PTPRN2: variants seen among roughly 807,000 people sequenced by gnomAD.
The protein encoded by PTPRN2 is protein tyrosine phosphatase receptor type N2.
Under a neutral mutation model 118.8 loss-of-function variants are expected in PTPRN2, and 74 were observed. The ratio of observed to expected loss-of-function variants is 0.62; its 90% CI spans 0.52 to 0.76. The LOEUF is 0.76. PTPRN2 is among the 30% of genes least tolerant of loss of function. PTPRN2 has a pLI of 0.00. For synonymous variants in PTPRN2, 641 were observed against 608.0 expected, an observed-to-expected ratio of 1.05 and a Z score of -0.80; for missense variants, 1,481 against 1,394.4, an observed-to-expected ratio of 1.06 and a Z score of -0.99.
intron 10 of PTPRN2, among the ~76,000 whole-genome samples, chr7:158,085,327 C>CAG (rs1813245631): frequency 3.3e-5 from 4 of 122,898 alleles, no homozygotes; most frequent in African/African-American, 7.0e-5. Flanking sequence ...CCCATTCACA[C>CAG]ATGCCCATCC....
intron 11 of PTPRN2, among the ~76,000 whole-genome samples, chr7:157,988,707 G>A (rs1804010405): frequency 6.6e-6 from 1 of 152,166 alleles, no homozygotes; most frequent in African/African-American, 2.4e-5. Context: ...CCGGTCCACA[G>A]GTCATGCACG....
chr7:158,285,387 A>G (rs1255007711), intron 3 of PTPRN2, among the ~76,000 whole-genome samples: 1 of 152,172 alleles, frequency 6.6e-6, no homozygotes, highest in East Asian at 1.9e-4. Flanking sequence ...AGCAAATGAC[A>G]ATAGCCACTC....
Position 158,570,142 on chromosome 7 carries a change from G to A in PTPRN2, c.112+17416C>T, listed in dbSNP as rs1047351908. 2.6e-5 allele frequency among the ~76,000 whole-genome samples: 4 copies of A among 152,080 alleles called. No homozygotes were observed. Among genetic ancestry groups the A allele is most frequent in the African/African-American group, 7.2e-5 (3 of 41,422 alleles). On this transcript the variant is annotated intron_variant, in intron 1 of 22. Coordinates refer to ENST00000389418, the MANE Select transcript of PTPRN2 (RefSeq NM_002847.5). The surrounding 1 kb of genome is among the most constrained non-coding windows in gnomAD (Gnocchi z 4.5). ...CGGGCCCCAGGCTCTCCGCGGAGCC[G>A]TCTCCAACCCCTGCAGGCCGACCTG... is the stretch of plus-strand genomic sequence containing the variant.
intron 11 of PTPRN2, among the ~76,000 whole-genome samples, chr7:158,058,412 C>T (rs1809997331): frequency 1.5e-5 from 2 of 130,584 alleles, no homozygotes; most frequent in Admixed American, 7.4e-5. Flanking sequence ...GACATCACTG[C>T]AGCCACACTC....
chr7:158,171,159 T>C (rs1823563605), intron 5 of PTPRN2, among the ~76,000 whole-genome samples: 1 of 143,674 alleles, frequency 7.0e-6, no homozygotes. Flanking sequence ...TACACATATA[T>C]ATACACACAT....
chr7:157,707,233 C>T (rs775531178), intron 12 of PTPRN2, among the ~76,000 whole-genome samples: 22 of 151,632 alleles, frequency 1.5e-4, no homozygotes, highest in Non-Finnish European at 2.7e-4. Context: ...ACAAGTACCT[C>T]GCACACACAT....
chr7:157,772,383 A>G lies in PTPRN2; in HGVS notation c.1789-89446T>C, dbSNP rs117750858. 1.1e-3 allele frequency among the ~76,000 whole-genome samples: 165 copies of G among 152,204 alleles called. 3 individuals carry two copies. The East Asian group carries it at 0.03, about 28-fold the overall frequency. On this transcript the variant is annotated intron_variant, in intron 12 of 22. Transcript: ENST00000389418. ...TACACACAGACACAGACACACACAGATACACAGACACAAACAGAGACACAC... is the reference window on the plus strand; with the variant it reads ...TACACACAGACACAGACACACACAGGTACACAGACACAAACAGAGACACAC...
At chr7:158,224,623 A>C (rs1267665483) in intron 3 of PTPRN2, among the ~76,000 whole-genome samples, 1 of 152,180 alleles carries the variant, frequency 6.6e-6, no homozygotes, top group African/African-American at 2.4e-5. Context: ...AAAACTATAA[A>C]ACTTTTAGAA....
chr7:158,142,810 G>T (rs1186406889), intron 6 of PTPRN2, among the ~76,000 whole-genome samples: 1 of 152,208 alleles, frequency 6.6e-6, no homozygotes, highest in Non-Finnish European at 1.5e-5. Context: ...GGTGACAAAG[G>T]GCTGAAGGGC....
intron 11 of PTPRN2, among the ~76,000 whole-genome samples, chr7:157,995,869 C>T (rs148548030): frequency 2.1e-4 from 32 of 152,306 alleles, no homozygotes; most frequent in East Asian, 1.7e-3. Context: ...AACATGAAAT[C>T]GACGTAAGTG....
chr7:157,551,400 A>T (rs1220769861), intron 21 of PTPRN2, among the ~76,000 whole-genome samples: 1 of 152,126 alleles, frequency 6.6e-6, no homozygotes, highest in East Asian at 1.9e-4. Context: ...TCAAGTTGGT[A>T]TAGAGGCTCA....
rs1293550928 is a variant in PTPRN2, at chr7:157,787,504, A to G, written c.1789-104567T>C. Among the ~76,000 whole-genome samples the G allele has an allele frequency of 1.3e-5, 2 of 152,018 alleles. No individual in the cohort carries two copies. The highest frequency in any genetic ancestry group is 2.9e-5 in the Non-Finnish European group (2 of 67,970). ...CAGGGCGGGCAGGGGGCTTCCCCAC[A>G]GTCTAGGGGGCCAGGAGAGCCCCTG... is the stretch of plus-strand genomic sequence containing the variant. On this transcript the variant is annotated intron_variant, in intron 12 of 22. Transcript: ENST00000389418. The surrounding 1 kb of genome is among the most constrained non-coding windows in gnomAD (Gnocchi z 5.3).
chr7:158,389,689 G>A (rs1461139491), intron 2 of PTPRN2, among the ~76,000 whole-genome samples: 1 of 152,242 alleles, frequency 6.6e-6, no homozygotes, highest in Non-Finnish European at 1.5e-5. Flanking sequence ...CTGGAACCAG[G>A]CCCTGCGAGA....
intron 2 of PTPRN2, among the ~76,000 whole-genome samples, chr7:158,463,977 T>C (rs1000043442): frequency 1.6e-5 from 2 of 123,856 alleles, no homozygotes; most frequent in African/African-American, 3.1e-5. Flanking sequence ...ATCGCCATCA[T>C]TGCCATGCCA....
intron 10 of PTPRN2, among the ~76,000 whole-genome samples, chr7:158,087,031 C>T (rs570305038): frequency 2.0e-5 from 3 of 152,286 alleles, no homozygotes; most frequent in East Asian, 1.9e-4. Context: ...CCTGCAAAAT[C>T]GGGGGAACAA....
At chr7:157,757,191 A>G (rs1172765454) in intron 12 of PTPRN2, among the ~76,000 whole-genome samples, 2 of 150,396 alleles carry the variant, frequency 1.3e-5, no homozygotes, top group East Asian at 3.9e-4. Flanking sequence ...TGCACCGTGC[A>G]GGCAGAGACC....
rs936054259 is a variant in PTPRN2, at chr7:157,944,270, C to T, written c.1724-45533G>A. The stretch of plus-strand genomic sequence containing the variant: ...CGTCGCGAACGCCAGCCTGCCCCCA[C>T]GGTCATGTCCAGCTTAACCAACACA... On this transcript the variant is annotated intron_variant, in intron 11 of 22. Coordinates refer to ENST00000389418, the MANE Select transcript of PTPRN2 (RefSeq NM_002847.5). This position sits in a 1 kb window ranked among gnomAD's most constrained non-coding sequence, Gnocchi z 4.3. Among the ~76,000 whole-genome samples, 9 of 152,174 alleles carry T rather than the reference C, an allele frequency of 5.9e-5. No individual in the cohort carries two copies. Among genetic ancestry groups the T allele is most frequent in the East Asian group, 1.9e-4 (1 of 5,186 alleles).
chr7:157,981,203 T>A (rs1382015553), intron 11 of PTPRN2, among the ~76,000 whole-genome samples: 1 of 152,246 alleles, frequency 6.6e-6, no homozygotes, highest in Non-Finnish European at 1.5e-5. Context: ...TTGGTCCTTA[T>A]ACAAATTCAG....
chr7:157,735,436 A>G (rs992944517), intron 12 of PTPRN2, among the ~76,000 whole-genome samples: 3 of 152,176 alleles, frequency 2.0e-5, no homozygotes, highest in African/African-American at 7.2e-5. Flanking sequence ...GGTGACCTGC[A>G]TCTTATCTGC....
Sources: allele counts gnomAD v4.1 joint callset (sites outside exome capture counted in the v4.1 genomes callset), GRCh38; gene constraint gnomAD v4.1.1; non-coding constraint Gnocchi (gnomAD v3.1); transcripts MANE v1.5; gene names NCBI Gene and HGNC (gene_info 2026-07-23, HGNC 2026-07-21).